Variants in PLEC observed in about 807,000 individuals in gnomAD.
PLEC encodes the protein plectin, also known as hemidesmosomal protein 1.
PLEC carries 216 observed loss-of-function variants against 392.8 expected under a neutral mutation model. The ratio of observed to expected loss-of-function variants is 0.55; its 90% CI spans 0.49 to 0.62. PLEC has a LOEUF of 0.62. PLEC is among the 20% of genes least tolerant of loss of function. The probability of loss-of-function intolerance (pLI) is 0.00; values close to 1 mark genes in which losing one functional copy is unlikely to be tolerated. For synonymous variants in PLEC, 3,621 were observed against 2,980.6 expected, an observed-to-expected ratio of 1.21 and a Z score of -7.00; for missense variants, 6,863 against 6,563.4, an observed-to-expected ratio of 1.05 and a Z score of -1.58.
At position 143,919,368 on chromosome 8, in the gene PLEC, C is replaced by A. The variant is rs1554678045; in HGVS notation, c.10453G>T (p.Val3485Leu). The change falls in exon 32 of 32, where the codon GTG (valine) becomes TTG (leucine). Residue 3485 changes from valine to leucine, a missense_variant. By Grantham distance (32) the Val-to-Leu change is conservative. Transcript: ENST00000345136. ...TAGCCGCGCTGGTAGGCCACGTCCACAGGCACGCGGTGGCTGTGCACGGGG... is the reference window on the plus strand; with the variant it reads ...TAGCCGCGCTGGTAGGCCACGTCCAAAGGCACGCGGTGGCTGTGCACGGGG... ...IDPVHSHRVP[V>L]DVAYQRGYFS... The A allele has an allele frequency of 6.2e-7, 1 of 1,613,702 alleles. No individual in the cohort carries two copies. Among genetic ancestry groups the A allele is most frequent in the Non-Finnish European group, 8.5e-7 (1 of 1,180,036 alleles).
Position 143,938,634 on chromosome 8 carries a change from G to A in PLEC, c.171C>T (p.Ile57=). The A allele has an allele frequency of 3.1e-6, 5 of 1,613,788 alleles. No homozygotes were observed. Among genetic ancestry groups the A allele is most frequent in the Non-Finnish European group, 4.2e-6 (5 of 1,179,866 alleles). The stretch of plus-strand genomic sequence containing the variant: ...CGCACCAGCATGCGCCACCAACCTT[G>A]ATGAGGTGCTTGTTGACCCACTTGG... ...TFTKWVNKHL[I]KAQRHISDLY... The change falls in exon 2 of 32, where the codon ATC becomes ATT. Residue 57 remains isoleucine (I), a synonymous_variant. Coordinates refer to ENST00000345136, the MANE Select transcript of PLEC (RefSeq NM_201384.3).
intron 1 of PLEC, among the ~76,000 whole-genome samples, chr8:143,947,338 C>T (rs182113179): frequency 2.6e-5 from 4 of 152,370 alleles, no homozygotes; most frequent in South Asian, 2.1e-4. Context: ...CAGCGCTCAC[C>T]GTGGTGGCGG....
chr8:143,921,493 G>A lies in PLEC; in HGVS notation c.8328C>T (p.Gly2776=). ...KLLSAERAVT[G]YKDPYTGQQI... ...GCTGGCCAGTGTAGGGGTCCTTGTA[G>A]CCAGTGACGGCGCGCTCGGCCGACA... is the stretch of plus-strand genomic sequence containing the variant. The change falls in exon 32 of 32, where the codon GGC becomes GGT. Residue 2776 remains glycine (G), a synonymous_variant. Coordinates refer to ENST00000345136, the MANE Select transcript of PLEC (RefSeq NM_201384.3). 1.9e-6 allele frequency: 3 copies of A among 1,613,072 alleles called. No individual in the cohort carries two copies. The highest frequency in any genetic ancestry group is 2.5e-6 in the Non-Finnish European group (3 of 1,179,800).
upstream of PLEC, among the ~76,000 whole-genome samples, chr8:143,952,015 C>T (rs560301630): frequency 2.3e-3 from 345 of 152,324 alleles, 4 homozygotes; most frequent in African/African-American, 8.0e-3. Context: ...TCCCACCAAG[C>T]CCGGCAAACC....
At position 143,916,266 on chromosome 8, in the gene PLEC, A is replaced by C. The variant is rs1554668440; in HGVS notation, c.13555T>G (p.Ser4519Ala). The C allele has an allele frequency of 2.6e-6, 4 of 1,552,986 alleles. No individual in the cohort carries two copies. Among genetic ancestry groups the C allele is most frequent in the African/African-American group, 1.4e-5 (1 of 73,164 alleles). ...TGSGFSMTFSSSSYSSSGYGR... is the reference protein window; with the variant it reads ...TGSGFSMTFSASSYSSSGYGR... ...TAGCCCGAGGAGGAGTAGGAGGATG[A>C]AGAGAAGGTCATGGAGAAGCCGGAG... Residue 4519 changes from serine to alanine, a missense_variant, in exon 32 of 32, where the codon TCA becomes GCA. Ser to Ala is a moderately conservative substitution (Grantham distance 99, BLOSUM62 1). Coordinates refer to ENST00000345136, the MANE Select transcript of PLEC (RefSeq NM_201384.3).
chr8:143,934,603 A>C, intron 10 of PLEC, 32 bp downstream of exon 10: 1 of 1,605,972 alleles, frequency 6.2e-7, no homozygotes, highest in East Asian at 2.2e-5. Context: ...GCGTTCCAGG[A>C]CACCACCCAC....
chr8:143,953,809 G>C, upstream of PLEC: 1 of 1,610,784 alleles, frequency 6.2e-7, no homozygotes, highest in African/African-American at 1.3e-5. Context: ...GCCACCACCA[G>C]GCAGAGTCCA....
intron 25 of PLEC, 74 bp from the exon 26 acceptor site, chr8:143,928,066 C>G: frequency 6.6e-7 from 1 of 1,511,356 alleles, no homozygotes; most frequent in Non-Finnish European, 8.8e-7. Context: ...ACCCAAGCCA[C>G]AGCGACCCAG....
chr8:143,925,253 C>T lies in PLEC; in HGVS notation c.4676G>A (p.Arg1559Gln), dbSNP rs371895113. 168 of 1,584,276 alleles carry T rather than the reference C, an allele frequency of 1.1e-4. No individual in the cohort carries two copies. The highest frequency in any genetic ancestry group is 3.4e-4 in the African/African-American group (25 of 74,268). Residue 1559 changes from arginine to glutamine, a missense_variant, in exon 31 of 32, where the codon CGA becomes CAA. Transcript: ENST00000345136. Reference protein sequence around the residue: ...ERRLRQAEVERARQVQVALET... With the variant: ...ERRLRQAEVEQARQVQVALET... ...CAGGGCCACCTGTACCTGCCGCGCT[C>T]GCTCCACCTCGGCCTGCCGCAGGCG...
At chr8:143,939,315 T>C (rs1380239907) in intron 1 of PLEC, 35 bp downstream of exon 1, 11 of 1,594,892 alleles carry the variant, frequency 6.9e-6, no homozygotes, top group Non-Finnish European at 9.4e-6. Flanking sequence ...GGGCCCGCCC[T>C]GCCTGGCGGG....
chr8:143,952,162 C>G (rs1256506483), upstream of PLEC, among the ~76,000 whole-genome samples: 1 of 151,574 alleles, frequency 6.6e-6, no homozygotes, highest in Non-Finnish European at 1.5e-5. Context: ...GTCGCCATGG[C>G]GCCACGGTGC....
intron 30 of PLEC, among the ~76,000 whole-genome samples, 197 bp downstream of exon 30, chr8:143,926,587 C>T (rs1554705565): frequency 6.6e-6 from 1 of 152,180 alleles, no homozygotes; most frequent in Non-Finnish European, 1.5e-5. Flanking sequence ...AGTGTAGCCA[C>T]ACCAGGCCAG....
chr8:143,917,008 T>C lies in PLEC; in HGVS notation c.12813A>G (p.Ser4271=), dbSNP rs6558405. 706,849 of 1,612,292 alleles carry C rather than the reference T, an allele frequency of 0.44. 164,465 individuals are homozygous for C. Among genetic ancestry groups the C allele is most frequent in the African/African-American group, 0.85 (63,617 of 74,976 alleles). ...AVSRTQLASW[S]DPTEETGPVA... ...CGGGGCCCGTCTCCTCAGTGGGGTC[T>C]GACCAGGAGGCCAGCTGGGTCCTGG... is the stretch of plus-strand genomic sequence containing the variant. The change falls in exon 32 of 32, where the codon TCA becomes TCG. Residue 4271 remains serine (S), a synonymous_variant. Coordinates refer to ENST00000345136, the MANE Select transcript of PLEC (RefSeq NM_201384.3).
In PLEC at chr8:143,918,159, G is replaced by A. The variant is rs781946118; in HGVS notation, c.11662C>T (p.Leu3888=). The A allele has an allele frequency of 1.9e-6, 3 of 1,596,898 alleles. No homozygotes were observed. The highest frequency in any genetic ancestry group is 2.2e-5 in the South Asian group (2 of 90,970). ...SDARKLTFRG[L]RKQITMEELV... is the part of the protein sequence containing the mutation. ...TCCTCCATGGTGATCTGCTTCCGCA[G>A]GCCACGGAAGGTCAGCTTGCGGGCG... The change falls in exon 32 of 32, where the codon CTG becomes TTG. Residue 3888 remains leucine, a synonymous_variant. Transcript: ENST00000345136.
chr8:143,934,484 G>A (rs782785568), intron 10 of PLEC, 39 bp from the exon 11 acceptor site: 3 of 1,608,368 alleles, frequency 1.9e-6, no homozygotes, highest in Non-Finnish European at 2.5e-6. Context: ...ATAGGCAGGG[G>A]GCAGGGGGTG....
intron 1 of PLEC, among the ~76,000 whole-genome samples, chr8:143,948,038 C>A (rs1831703627): frequency 6.6e-6 from 1 of 152,240 alleles, no homozygotes. Flanking sequence ...GGGGCAGGGG[C>A]TCCATCTGGG....
chr8:143,954,658 C>T (rs905185663), upstream of PLEC, among the ~76,000 whole-genome samples: 9 of 152,202 alleles, frequency 5.9e-5, no homozygotes, highest in South Asian at 2.1e-4. This position sits in a 1 kb window ranked among gnomAD's most constrained non-coding sequence, Gnocchi z 4.6. Context: ...TGTGTCACTG[C>T]GCACGCCTGG....
chr8:143,933,957 C>T lies in PLEC; in HGVS notation c.1263+41G>A, dbSNP rs373274697. On this transcript the variant is annotated intron_variant, in intron 12 of 31. Transcript: ENST00000345136. ...GGCTGCAGGGCGGGGCAGGCTCCTCCGGCCTCCCTCCCGCCCACTGCCTGC... is the reference window on the plus strand; with the variant it reads ...GGCTGCAGGGCGGGGCAGGCTCCTCTGGCCTCCCTCCCGCCCACTGCCTGC... The T allele has an allele frequency of 3.3e-5, 50 of 1,533,946 alleles. No homozygotes were observed. The African/African-American group carries it at 4.3e-4, about 13-fold the overall frequency.
chr8:143,961,384 C>A (rs1832866071), intron 1 of PLEC, among the ~76,000 whole-genome samples: 1 of 152,184 alleles, frequency 6.6e-6, no homozygotes, highest in Non-Finnish European at 1.5e-5. Flanking sequence ...CACCACCACA[C>A]CCTGCTAATT....
Sources: gnomAD v4.1 joint callset for allele counts (sites outside exome capture counted in the v4.1 genomes callset) on GRCh38, gnomAD v4.1.1 for gene constraint, Gnocchi (gnomAD v3.1) non-coding constraint, MANE v1.5 for transcripts, NCBI Gene and HGNC (gene_info 2026-07-23, HGNC 2026-07-21) for gene names.